PNPLA7: variants seen among roughly 807,000 people sequenced by gnomAD.
The protein encoded by PNPLA7 is patatin-like phospholipase domain-containing protein 7.
Under a neutral mutation model 161.7 loss-of-function variants are expected in PNPLA7, and 153 were observed. The observed-to-expected ratio is 0.95, with a 90% CI of 0.83 to 1.08. The LOEUF is 1.08. Ranked by LOEUF, PNPLA7 falls within the 50% of genes least tolerant of loss-of-function variation. The probability of loss-of-function intolerance (pLI) is 0.00; values close to 1 mark genes in which losing one functional copy is unlikely to be tolerated. For synonymous variants in PNPLA7, 809 were observed against 782.1 expected (o/e 1.03, Z -0.57); for missense variants, 1,739 against 1,856.6 (o/e 0.94, Z 1.16).
chr9:137,501,600 G>C (rs1451375905), intron 15 of PNPLA7, 50 bp downstream of exon 15: 1 of 1,563,576 alleles, frequency 6.4e-7, no homozygotes, highest in Admixed American at 1.7e-5. Context: ...ACTTGGCACT[G>C]GGCTATGGCA....
rs1195097751 is a variant in PNPLA7, at chr9:137,523,051, T to C, written c.748-194A>G. Among the ~76,000 whole-genome samples the C allele has an allele frequency of 1.3e-5, 2 of 151,986 alleles. No homozygotes were observed. Among genetic ancestry groups the C allele is most frequent in the Non-Finnish European group, 2.9e-5 (2 of 68,004 alleles). ...ACACGTTTTTTGACTGTCCAAGACA[T>C]GTGCGGCGAAGGACTGGCTGACGAT... On this transcript the variant is annotated intron_variant, in intron 8 of 34. Transcript: ENST00000406427. This position sits in a 1 kb window ranked among gnomAD's most constrained non-coding sequence, Gnocchi z 4.4.
intron 25 of PNPLA7, among the ~76,000 whole-genome samples, chr9:137,477,734 G>C (rs555071959): frequency 2.0e-5 from 3 of 152,166 alleles, no homozygotes; most frequent in African/African-American, 7.2e-5. Flanking sequence ...TGACCCACGC[G>C]CCCGGCCCAA....
At chr9:137,481,229 C>T (rs1832204051) in intron 21 of PNPLA7, among the ~76,000 whole-genome samples, 1 of 152,238 alleles carries the variant, frequency 6.6e-6, no homozygotes, top group Admixed American at 6.5e-5. Flanking sequence ...CTTCACCTGC[C>T]AGTGGGGAAG....
intron 11 of PNPLA7, among the ~76,000 whole-genome samples, chr9:137,519,101 C>G (rs1834848151): frequency 6.6e-6 from 1 of 152,194 alleles, no homozygotes; most frequent in African/African-American, 2.4e-5. Flanking sequence ...CTCACTCACT[C>G]CACTCTGCTC....
At chr9:137,479,367 CT>C in intron 23 of PNPLA7, 129 bp from the exon 24 acceptor site, 1 of 1,354,880 alleles carries the variant, frequency 7.4e-7, no homozygotes, top group Non-Finnish European at 9.5e-7. Context: ...TGCAAAGCAA[CT>C]TGGCTGTGGC....
chr9:137,505,765 A>G lies in PNPLA7; in HGVS notation c.1327-5T>C, dbSNP rs1482316044. 2 of 1,613,328 alleles carry G rather than the reference A, an allele frequency of 1.2e-6. No homozygotes were observed. The highest frequency in any genetic ancestry group is 1.3e-5 in the African/African-American group (1 of 74,914). On this transcript the variant is annotated splice_polypyrimidine_tract_variant and splice_region_variant and intron_variant, in intron 13 of 34. Transcript: ENST00000406427. ...AACCATCACGCTTTTCCTGGACTGG[A>G]GAAGAACGGAGATACCGGCAATTCG...
intron 33 of PNPLA7, chr9:137,460,991 T>C: frequency 4.2e-6 from 2 of 480,252 alleles, no homozygotes; most frequent in South Asian, 2.2e-5. Context: ...ACTCCTCCCC[T>C]TGTCAGCCAA....
rs555528892 is a variant in PNPLA7 at position 137,547,262 on chromosome 9, C to T, written c.193+47G>A. ...CTCAAAACACATCCCAAGACACCCACGCTTTCCCCCAACCCCCCGGGCCAG... is the reference window on the plus strand; with the variant it reads ...CTCAAAACACATCCCAAGACACCCATGCTTTCCCCCAACCCCCCGGGCCAG... On this transcript the variant is annotated intron_variant, in intron 3 of 34. Transcript: ENST00000406427. This position sits in a 1 kb window ranked among gnomAD's most constrained non-coding sequence, Gnocchi z 4.6. The T allele has an allele frequency of 1.2e-5, 19 of 1,576,288 alleles. No individual in the cohort carries two copies. Among genetic ancestry groups the T allele is most frequent in the South Asian group, 7.7e-5 (7 of 90,348 alleles).
At chr9:137,461,013 G>C (rs906768245) in intron 33 of PNPLA7, 2 of 448,446 alleles carry the variant, frequency 4.5e-6, no homozygotes, top group Non-Finnish European at 8.2e-6. Context: ...CACCCTGAGG[G>C]CTCCAGCACC....
chr9:137,521,566 C>A (rs1834991748), intron 10 of PNPLA7, 70 bp downstream of exon 10: 2 of 1,526,674 alleles, frequency 1.3e-6, no homozygotes, highest in Non-Finnish European at 1.8e-6. Context: ...GCCTGCCGTG[C>A]CAACCAATAG....
intron 11 of PNPLA7, among the ~76,000 whole-genome samples, chr9:137,518,460 A>C (rs1398748218): frequency 9.0e-5 from 2 of 22,118 alleles, no homozygotes; most frequent in Non-Finnish European, 1.6e-4. Flanking sequence ...CCACTCACTC[A>C]CTCCACTCTG....
chr9:137,518,470 G>A (rs1274508807), intron 11 of PNPLA7, among the ~76,000 whole-genome samples: 5 of 32,452 alleles, frequency 1.5e-4, no homozygotes, highest in Admixed American at 5.0e-4. Flanking sequence ...ACTCCACTCT[G>A]CTCACTCCAT....
intron 18 of PNPLA7, among the ~76,000 whole-genome samples, chr9:137,495,600 C>G (rs370408978): frequency 6.6e-6 from 1 of 152,182 alleles, no homozygotes; most frequent in Non-Finnish European, 1.5e-5. Flanking sequence ...CCCACCACCA[C>G]GCCCGGCTAG....
chr9:137,547,490 G>T lies in PNPLA7; in HGVS notation c.106-94C>A. The T allele has an allele frequency of 6.3e-7, 1 of 1,594,198 alleles. No homozygotes were observed. The highest frequency in any genetic ancestry group is 8.6e-7 in the Non-Finnish European group (1 of 1,163,102). The stretch of plus-strand genomic sequence containing the variant: ...CCCACCCCTGGCTGCCCAACCACAG[G>T]CTGGGCAGGAATGAGCCAGGGGATG... On this transcript the variant is annotated intron_variant, in intron 2 of 34. Coordinates refer to ENST00000406427, the MANE Select transcript of PNPLA7 (RefSeq NM_001098537.3). This position sits in a 1 kb window ranked among gnomAD's most constrained non-coding sequence, Gnocchi z 4.6.
intron 29 of PNPLA7, 81 bp from the exon 30 acceptor site, chr9:137,462,914 C>T: frequency 2.5e-6 from 4 of 1,568,686 alleles, no homozygotes; most frequent in African/African-American, 1.3e-5. Context: ...CTCTCCGAGC[C>T]CTGACGTGGG....
Position 137,494,412 on chromosome 9 carries a change from C to A in PNPLA7, c.2127+621G>T, listed in dbSNP as rs191762710. On this transcript the variant is annotated intron_variant, in intron 19 of 34. Transcript: ENST00000406427. Reference sequence around the variant, plus strand: ...CCAGGTTTCCTGCTCACCGTCACCGCCCCCACCCAGCTGGGCTCTAATCTT... The same window carrying A: ...CCAGGTTTCCTGCTCACCGTCACCGACCCCACCCAGCTGGGCTCTAATCTT... Among the ~76,000 whole-genome samples, 641 of 152,294 alleles carry A rather than the reference C, an allele frequency of 4.2e-3. 12 individuals are homozygous for A. The highest frequency in any genetic ancestry group is 6.4e-3 in the East Asian group (33 of 5,180).
At chr9:137,519,883 G>A in intron 11 of PNPLA7, 34 bp downstream of exon 11, 1 of 1,593,340 alleles carries the variant, frequency 6.3e-7, no homozygotes. Context: ...GGACTCTGGG[G>A]CTGGACATTG....
In PNPLA7 at chr9:137,462,468, G is replaced by A. The variant is rs191119375; in HGVS notation, c.3493-137C>T. 59 of 1,431,728 alleles carry A rather than the reference G, an allele frequency of 4.1e-5. No individual in the cohort carries two copies. The Admixed American group carries it at 1.2e-3, about 29-fold the overall frequency. The allele number at this position is 1,431,728 out of a possible 1,614,324, so 88.7% of individuals were successfully genotyped here. ...TGGGGGGAGAGGGTAGCAGCACCCG[G>A]CCGGGGGTCCTCCCTGCGGGCTGCC... On this transcript the variant is annotated intron_variant, in intron 30 of 34. Coordinates refer to ENST00000406427, the MANE Select transcript of PNPLA7 (RefSeq NM_001098537.3).
At chr9:137,542,364 G>A (rs558295285) in intron 7 of PNPLA7, among the ~76,000 whole-genome samples, 1 of 152,230 alleles carries the variant, frequency 6.6e-6, no homozygotes, top group Non-Finnish European at 1.5e-5. Flanking sequence ...CCAGCTACTC[G>A]AGAGGCTGAG....
Sources: gnomAD v4.1 joint callset for allele counts (sites outside exome capture counted in the v4.1 genomes callset) on GRCh38, gnomAD v4.1.1 for gene constraint, Gnocchi (gnomAD v3.1) non-coding constraint, MANE v1.5 for transcripts, NCBI Gene and HGNC (gene_info 2026-07-23, HGNC 2026-07-21) for gene names.